CASC3: variants seen among roughly 807,000 people sequenced by gnomAD.
CASC3 encodes the protein CASC3 exon junction complex subunit.
A neutral mutation model predicts 80.5 loss-of-function variants in CASC3; 30 were observed. The ratio of observed to expected loss-of-function variants is 0.37; its 90% CI spans 0.28 to 0.51. CASC3 has a LOEUF of 0.51. Ranked by LOEUF, CASC3 falls within the 20% of genes least tolerant of loss-of-function variation. The probability of loss-of-function intolerance (pLI) is 0.94; values close to 1 mark genes in which losing one functional copy is unlikely to be tolerated. For synonymous variants in CASC3, 312 were observed against 333.6 expected (o/e 0.94, Z 0.70); for missense variants, 824 against 922.2 (o/e 0.89, Z 1.38).
In CASC3 at chr17:40,167,948, G is replaced by C; in HGVS notation, c.1750G>C (p.Gly584Arg). ...VQPGMNLPHPGLHPHQTPAPL... is the reference protein window; with the variant it reads ...VQPGMNLPHPRLHPHQTPAPL... The stretch of plus-strand genomic sequence containing the variant: ...GCCAGGAATGAACCTTCCCCACCCA[G>C]GTAAGCTTTGTGTCTCTGCTTATAT... The change falls in exon 10 of 14, where the codon GGT (glycine) becomes CGT (arginine). Residue 584 changes from glycine to arginine, a missense_variant and splice_region_variant. Around this residue, in one of 3 missense-constraint regions of CASC3, gnomAD observed 464 missense variants for 506.0 expected, o/e 0.92. Transcript: ENST00000264645. 2 of 1,613,812 alleles carry C rather than the reference G, an allele frequency of 1.2e-6. No individual in the cohort carries two copies. Among genetic ancestry groups the C allele is most frequent in the Non-Finnish European group, 1.7e-6 (2 of 1,179,792 alleles).
intron 3 of CASC3, among the ~76,000 whole-genome samples, chr17:40,154,114 T>TC: frequency 6.6e-6 from 1 of 151,750 alleles, no homozygotes; most frequent in East Asian, 1.9e-4. Flanking sequence ...CGTTTTTTTT[T>TC]TTTTTTTTTT....
At chr17:40,146,994 G>A (rs1008140151) in intron 3 of CASC3, among the ~76,000 whole-genome samples, 4 of 152,176 alleles carry the variant, frequency 2.6e-5, no homozygotes, top group Admixed American at 2.6e-4. Context: ...CTAGAGAATG[G>A]AAACGTTGGA....
chr17:40,169,579 T>A lies in CASC3; in HGVS notation c.2089-19T>A. 1 of 1,593,680 alleles carries A rather than the reference T, an allele frequency of 6.3e-7. No homozygotes were observed. The highest frequency in any genetic ancestry group is 8.5e-7 in the Non-Finnish European group (1 of 1,172,144). ...TTTTTGTTATGACCTGATAACAAAT[T>A]CCAACTTTGTTATTTCAGGTTGTAA... On this transcript the variant is annotated intron_variant, in intron 12 of 13. Coordinates refer to ENST00000264645, the MANE Select transcript of CASC3 (RefSeq NM_007359.5).
Position 40,142,506 on chromosome 17 carries a change from T to G in CASC3, c.297+899T>G, listed in dbSNP as rs539968537. 4.6e-5 allele frequency among the ~76,000 whole-genome samples: 7 copies of G among 152,304 alleles called. No individual in the cohort carries two copies. In the South Asian group the frequency reaches 1.4e-3, roughly 32 times the overall value. ...GCCCACAGGGGCCGGGAGCAGTGGC[T>G]CACGCCTGTAATCCCAGCACTTTGG... On this transcript the variant is annotated intron_variant, in intron 3 of 13. Coordinates refer to ENST00000264645, the MANE Select transcript of CASC3 (RefSeq NM_007359.5).
At position 40,162,801 on chromosome 17, in the gene CASC3, G is replaced by T. The variant is rs1878188895; in HGVS notation, c.685G>T (p.Ala229Ser). The T allele has an allele frequency of 1.9e-6, 3 of 1,614,004 alleles. No individual in the cohort carries two copies. Among genetic ancestry groups the T allele is most frequent in the South Asian group, 1.1e-5 (1 of 91,090 alleles). The change falls in exon 6 of 14, where the codon GCC becomes TCC. Residue 229 changes from alanine to serine, a missense_variant. Ala to Ser is a moderately conservative substitution (Grantham distance 99). Around this residue, in one of 3 missense-constraint regions of CASC3, gnomAD observed 201 missense variants for 294.1 expected, o/e 0.68. Transcript: ENST00000264645. ...EHDKFREDEQ[A>S]PKSRQELIAL... is the part of the protein sequence containing the mutation. ...TGACAAGTTCCGGGAAGATGAGCAG[G>T]CCCCAAAGTCCCGACAGGAGCTCAT...
At chr17:40,158,815 T>C (rs747347275) in intron 3 of CASC3, among the ~76,000 whole-genome samples, 5 of 152,200 alleles carry the variant, frequency 3.3e-5, no homozygotes, top group Non-Finnish European at 7.3e-5. Flanking sequence ...AATTATGTGA[T>C]TCTGGATATG....
rs1004917423 is a variant in CASC3, at chr17:40,141,347, G to C, written c.259+113G>C. 2.7e-5 allele frequency: 28 copies of C among 1,056,472 alleles called. No individual in the cohort carries two copies. The South Asian group carries it at 3.6e-4, about 14-fold the overall frequency. 65.4% of individuals were successfully genotyped at this position (1,056,472 alleles called of 1,614,324 possible). On this transcript the variant is annotated intron_variant, in intron 2 of 13. Coordinates refer to ENST00000264645, the MANE Select transcript of CASC3 (RefSeq NM_007359.5). ...ACTGTCACGGATTTAGGGCCACAGA[G>C]TGCCTTTTTGTAACATAGTGGTTAA...
chr17:40,162,181 C>G, intron 5 of CASC3, 28 bp downstream of exon 5: 1 of 1,603,374 alleles, frequency 6.2e-7, no homozygotes, highest in South Asian at 1.1e-5. Context: ...CTGCTGCTGT[C>G]TAACATGTAT....
At chr17:40,158,612 A>G (rs1989210161) in intron 3 of CASC3, among the ~76,000 whole-genome samples, 2 of 152,104 alleles carry the variant, frequency 1.3e-5, no homozygotes, top group African/African-American at 2.4e-5. Flanking sequence ...GGCCCTTTCT[A>G]ATGGCCTAAT....
At position 40,140,667 on chromosome 17, in the gene CASC3, C is replaced by G; in HGVS notation, c.119C>G (p.Ala40Gly). ...LRGGGSCSGS[A>G]GGGGSGSLPS... is the part of the protein sequence containing the mutation. ...GGAGGCGGGAGCTGCAGCGGTAGCG[C>G]CGGAGGCGGCGGCAGCGGCTCTCTG... Residue 40 changes from alanine to glycine, a missense_variant, in exon 1 of 14, where the codon GCC becomes GGC. Ala to Gly is a moderately conservative substitution (Grantham distance 60). This residue lies in a region of CASC3 where 159 missense variants were observed against 122.2 expected (regional missense o/e 1.30). Coordinates refer to ENST00000264645, the MANE Select transcript of CASC3 (RefSeq NM_007359.5). 1.2e-6 allele frequency: 2 copies of G among 1,604,302 alleles called. No homozygotes were observed. Among genetic ancestry groups the G allele is most frequent in the South Asian group, 1.1e-5 (1 of 90,438 alleles).
intron 3 of CASC3, among the ~76,000 whole-genome samples, chr17:40,142,684 C>T (rs888125333): frequency 1.3e-5 from 2 of 151,918 alleles, no homozygotes; most frequent in African/African-American, 2.4e-5. Flanking sequence ...GTCAGGAGAT[C>T]GAAACCGTCC....
chr17:40,168,745 A>G (rs1989517862), intron 11 of CASC3: 2 of 308,548 alleles, frequency 6.5e-6, no homozygotes, highest in Non-Finnish European at 1.2e-5. Context: ...GCCTGCCACC[A>G]TGCCCGGCTA....
At chr17:40,165,490 GC>G (rs1365230422) in intron 7 of CASC3, among the ~76,000 whole-genome samples, 2 of 152,074 alleles carry the variant, frequency 1.3e-5, no homozygotes, top group Non-Finnish European at 2.9e-5. Context: ...CACTGCACCT[GC>G]CCGGTCATCA....
intron 1 of CASC3, 175 bp from the exon 2 acceptor site, chr17:40,141,032 C>A: frequency 1.5e-6 from 1 of 668,598 alleles, no homozygotes; most frequent in Non-Finnish European, 2.6e-6. Flanking sequence ...GAAGTCGGGG[C>A]TGGAGGGAAG....
rs149261874 is a variant in CASC3 at position 40,170,612 on chromosome 17, G to A, written c.*207G>A. On this transcript the variant is annotated 3_prime_UTR_variant, in exon 14 of 14. Transcript: ENST00000264645. ...AGAGAGGGAGAAACAAGTGGACCTC[G>A]TCCCATCTTCACTCTTCACTTGAGT... 421 of 985,532 alleles carry A rather than the reference G, an allele frequency of 4.3e-4. No individual in the cohort carries two copies. The highest frequency in any genetic ancestry group is 1.1e-3 in the African/African-American group (63 of 57,330). 61.0% of individuals were successfully genotyped at this position (985,532 alleles called of 1,614,324 possible).
chr17:40,148,426 G>A (rs576365618), intron 3 of CASC3, among the ~76,000 whole-genome samples: 1 of 151,050 alleles, frequency 6.6e-6, no homozygotes, highest in African/African-American at 2.4e-5. Flanking sequence ...GTGCAGTGGC[G>A]CAATCTCAGC....
At chr17:40,169,803 T>C in intron 13 of CASC3, 141 bp downstream of exon 13, 1 of 487,156 alleles carries the variant, frequency 2.1e-6, no homozygotes, top group Non-Finnish European at 3.4e-6. Context: ...TTATCCAGGC[T>C]GGAGTGCAGT....
chr17:40,150,441 TG>T, intron 3 of CASC3, among the ~76,000 whole-genome samples: 1 of 151,604 alleles, frequency 6.6e-6, no homozygotes, highest in Non-Finnish European at 1.5e-5. Context: ...TGTGTGTGTG[TG>T]TGTAACCCCC....
intron 8 of CASC3, 48 bp downstream of exon 8, chr17:40,166,909 C>T: frequency 7.7e-7 from 1 of 1,305,694 alleles, no homozygotes; most frequent in Non-Finnish European, 1.1e-6. Context: ...GCCTGTTACA[C>T]AGCTTGTTCA....
Sources: allele counts gnomAD v4.1 joint callset (sites outside exome capture counted in the v4.1 genomes callset), GRCh38; gene constraint gnomAD v4.1.1; regional missense constraint gnomAD v4.1.1; transcripts MANE v1.5; gene names NCBI Gene and HGNC (gene_info 2026-07-23, HGNC 2026-07-21).